The following NOL10 variants were observed in gnomAD, a reference collection of about 807,000 sequenced individuals.
The protein encoded by NOL10 is H_NH0074G24.1.
Under a neutral mutation model 103.5 loss-of-function variants are expected in NOL10, and 58 were observed. The observed-to-expected ratio is 0.56, with a 90% CI of 0.45 to 0.70. NOL10 has a LOEUF of 0.70. NOL10 is among the 30% of genes least tolerant of loss of function. The probability of loss-of-function intolerance (pLI) is 0.00; values close to 1 mark genes in which losing one functional copy is unlikely to be tolerated. For missense variants in NOL10, 763 were observed against 807.3 expected (o/e 0.95, Z 0.67); for synonymous variants, 287 against 282.5 (o/e 1.02, Z -0.16).
At chr2:10,603,800 C>T (rs1431589948) in intron 14 of NOL10, among the ~76,000 whole-genome samples, 4 of 152,164 alleles carry the variant, frequency 2.6e-5, no homozygotes, top group Non-Finnish European at 5.9e-5. Context: ...ATTTGTGGTG[C>T]TGGTGGTCAC....
chr2:10,609,380 G>T (rs1676430709), intron 13 of NOL10, among the ~76,000 whole-genome samples: 1 of 140,230 alleles, frequency 7.1e-6, no homozygotes, highest in Admixed American at 7.9e-5. Flanking sequence ...GAGGTCAGGA[G>T]ATTGAGACCA....
intron 14 of NOL10, among the ~76,000 whole-genome samples, chr2:10,603,935 C>T (rs572503990): frequency 6.6e-6 from 1 of 152,316 alleles, no homozygotes; most frequent in East Asian, 1.9e-4. Context: ...CGATATATGT[C>T]AGTGGTCCCC....
At chr2:10,660,008 C>T (rs1680091691) in intron 9 of NOL10, among the ~76,000 whole-genome samples, 1 of 152,140 alleles carries the variant, frequency 6.6e-6, no homozygotes, top group Non-Finnish European at 1.5e-5. Flanking sequence ...CCAACCAAGA[C>T]AATCAGCACC....
chr2:10,667,735 G>C (rs893318935), intron 7 of NOL10, among the ~76,000 whole-genome samples: 48 of 152,182 alleles, frequency 3.2e-4, no homozygotes, highest in African/African-American at 9.9e-4. Context: ...GGTTGTTATG[G>C]GGATTAAATG....
At chr2:10,581,754 G>A (rs1453713893) in intron 19 of NOL10, among the ~76,000 whole-genome samples, 2 of 152,170 alleles carry the variant, frequency 1.3e-5, no homozygotes, top group South Asian at 2.1e-4. Context: ...CCAGCAGGTC[G>A]AGGCTGCAGT....
chr2:10,626,020 A>G (rs1001915535), intron 13 of NOL10, among the ~76,000 whole-genome samples: 6 of 151,222 alleles, frequency 4.0e-5, no homozygotes, highest in Admixed American at 2.6e-4. Context: ...TGAAAAAAAA[A>G]ATTTTTTTTT....
chr2:10,576,238 G>A (rs1674444481), intron 20 of NOL10, among the ~76,000 whole-genome samples: 1 of 152,154 alleles, frequency 6.6e-6, no homozygotes, highest in South Asian at 2.1e-4. Flanking sequence ...TGTGGATGTG[G>A]AAAACCTGCA....
At chr2:10,679,795 A>G (rs1178932046) in intron 3 of NOL10, among the ~76,000 whole-genome samples, 1 of 151,824 alleles carries the variant, frequency 6.6e-6, no homozygotes, top group Non-Finnish European at 1.5e-5. Flanking sequence ...CAGCTAATTT[A>G]TTTTTTATAG....
At chr2:10,642,304 A>AACCCC (rs1678750078) in intron 13 of NOL10, among the ~76,000 whole-genome samples, 1 of 152,198 alleles carries the variant, frequency 6.6e-6, no homozygotes. Context: ...ATTATCCCAG[A>AACCCC]ACCCCAAAGA....
rs1020808080 is a variant in NOL10 at position 10,665,110 on chromosome 2, T to A, written c.592-2066A>T. Reference sequence around the variant, plus strand: ...TCTGACCTCATTAATCTTTTAATATTATTACAAGTAGGTATGTTGCAAAGA... The same window carrying A: ...TCTGACCTCATTAATCTTTTAATATAATTACAAGTAGGTATGTTGCAAAGA... On this transcript the variant is annotated intron_variant, in intron 8 of 20. Transcript: ENST00000381685. Among the ~76,000 whole-genome samples the A allele has an allele frequency of 3.9e-5, 6 of 152,358 alleles. No individual in the cohort carries two copies. The East Asian group carries it at 1.2e-3, about 29-fold the overall frequency.
intron 13 of NOL10, among the ~76,000 whole-genome samples, chr2:10,608,929 A>G (rs2148196435): frequency 6.6e-6 from 1 of 152,298 alleles, no homozygotes; most frequent in South Asian, 2.1e-4. Context: ...GTTTTTATAT[A>G]CTAAGTGGTT....
chr2:10,629,164 A>G (rs1346630836), intron 13 of NOL10, among the ~76,000 whole-genome samples: 1 of 106,734 alleles, frequency 9.4e-6, no homozygotes, highest in Non-Finnish European at 1.7e-5. Context: ...AAGGGCTTTT[A>G]TTGAAACTGA....
chr2:10,574,459 A>G (rs1674345665), intron 20 of NOL10, among the ~76,000 whole-genome samples: 1 of 152,190 alleles, frequency 6.6e-6, no homozygotes. Context: ...CATCCTGGCT[A>G]ACACGGTGAA....
intron 12 of NOL10, among the ~76,000 whole-genome samples, chr2:10,648,053 T>C (rs1278027949): frequency 1.3e-5 from 2 of 152,186 alleles, no homozygotes; most frequent in East Asian, 1.9e-4. Flanking sequence ...ACCCAAGTCA[T>C]AGAGCCGTGC....
intron 19 of NOL10, among the ~76,000 whole-genome samples, chr2:10,585,638 C>T (rs1002349563): frequency 2.0e-5 from 3 of 152,146 alleles, no homozygotes; most frequent in Non-Finnish European, 2.9e-5. Flanking sequence ...CCTTGGTATC[C>T]GCTGGGGAAT....
intron 7 of NOL10, 95 bp from the exon 8 acceptor site, chr2:10,667,373 G>A: frequency 1.1e-6 from 1 of 876,628 alleles, no homozygotes; most frequent in Non-Finnish European, 1.8e-6. Flanking sequence ...CCCAAATTCT[G>A]AGTAGAAAGA....
chr2:10,609,276 C>T lies in NOL10; in HGVS notation c.1027-1965G>A, dbSNP rs1000756195. On this transcript the variant is annotated intron_variant, in intron 13 of 20. Transcript: ENST00000381685. The stretch of plus-strand genomic sequence containing the variant: ...AAAAAAACTAGGGAAGGCTGGGACA[C>T]CGAATTAAGTCTATTTGAAAGGACT... Among the ~76,000 whole-genome samples, 3 of 151,684 alleles carry T rather than the reference C, an allele frequency of 2.0e-5. No homozygotes were observed. The East Asian group carries it at 5.9e-4, about 30-fold the overall frequency.
intron 1 of NOL10, among the ~76,000 whole-genome samples, chr2:10,689,160 C>T (rs1400619854): frequency 2.0e-5 from 3 of 152,184 alleles, no homozygotes; most frequent in Admixed American, 6.5e-5. Context: ...GGACAAGTCA[C>T]CCTTCCCCTT....
chr2:10,600,764 T>C (rs1675928290), intron 17 of NOL10, 89 bp downstream of exon 17: 1 of 863,548 alleles, frequency 1.2e-6, no homozygotes, highest in South Asian at 1.6e-5. Flanking sequence ...GTCCTACATG[T>C]ATTTTTAAAG....
Sources: gnomAD v4.1 joint callset for allele counts (sites outside exome capture counted in the v4.1 genomes callset) on GRCh38, gnomAD v4.1.1 for gene constraint, MANE v1.5 for transcripts, NCBI Gene and HGNC (gene_info 2026-07-23, HGNC 2026-07-21) for gene names.